MYO9A: variants seen among roughly 807,000 people sequenced by gnomAD.
MYO9A encodes the protein myosin IXA, also known as unconventional myosin-IXa.
Under a neutral mutation model 293.3 loss-of-function variants are expected in MYO9A, and 103 were observed. The ratio of observed to expected loss-of-function variants is 0.35; its 90% CI spans 0.30 to 0.41. The LOEUF (loss-of-function observed/expected upper bound fraction) is 0.41, where lower values mean the gene tolerates loss of function less well. Among genes scored for constraint, MYO9A ranks in the 10% least tolerant of loss-of-function variants. The pLI, the probability that MYO9A is intolerant of heterozygous loss-of-function variation, is 1.00. For missense variants in MYO9A, 2,685 were observed against 3,033.0 expected, an observed-to-expected ratio of 0.89 and a Z score of 2.69; for synonymous variants, 1,001 against 1,035.7, an observed-to-expected ratio of 0.97 and a Z score of 0.64.
intron 11 of MYO9A, among the ~76,000 whole-genome samples, chr15:71,981,659 C>G (rs188820034): frequency 2.1e-3 from 317 of 151,824 alleles, no homozygotes; most frequent in African/African-American, 7.4e-3. Context: ...CTCTCTCTCT[C>G]TCTCTCTCTC....
In MYO9A at chr15:71,878,138, G is replaced by C; in HGVS notation, c.5833C>G (p.Leu1945Val). The change falls in exon 31 of 42, where the codon CTG (leucine) becomes GTG (valine). Residue 1945 changes from leucine (L) to valine (V), a missense_variant. Physicochemically the swap from Leu to Val is conservative, Grantham distance 32. Around this residue, in one of 10 missense-constraint regions of MYO9A, gnomAD observed 1,434 missense variants for 1,497.7 expected, o/e 0.96. Coordinates refer to ENST00000356056, the MANE Select transcript of MYO9A (RefSeq NM_006901.4). ...KTMRLEQRDS[L>V]GESPVRVWVN... is the part of the protein sequence containing the mutation. ...CAAACTCTCACTGGAGATTCACCCAGTGAATCACGCTGCTCAAGCCTCATC... is the reference window on the plus strand; with the variant it reads ...CAAACTCTCACTGGAGATTCACCCACTGAATCACGCTGCTCAAGCCTCATC... 1 of 1,613,156 alleles carries C rather than the reference G, an allele frequency of 6.2e-7. No homozygotes were observed. The highest frequency in any genetic ancestry group is 1.1e-5 in the South Asian group (1 of 90,918).
chr15:71,922,803 T>C (rs1180743139), intron 18 of MYO9A, among the ~76,000 whole-genome samples: 2 of 152,224 alleles, frequency 1.3e-5, no homozygotes, highest in Admixed American at 6.5e-5. Flanking sequence ...CACTAAATAA[T>C]TGATAATTAC....
At chr15:71,845,568 C>CTAA (rs1030369146) in intron 39 of MYO9A, among the ~76,000 whole-genome samples, 4 of 152,184 alleles carry the variant, frequency 2.6e-5, no homozygotes, top group African/African-American at 9.7e-5. Flanking sequence ...GACATCTGTA[C>CTAA]TAATTACATA....
At chr15:71,916,693 A>C (rs1166896567) in intron 18 of MYO9A, among the ~76,000 whole-genome samples, 2 of 152,194 alleles carry the variant, frequency 1.3e-5, no homozygotes, top group Admixed American at 6.5e-5. Context: ...AGAAAAGTAC[A>C]CTTCACAAAC....
At chr15:72,081,428 A>C (rs373904504) in intron 1 of MYO9A, among the ~76,000 whole-genome samples, 1 of 152,024 alleles carries the variant, frequency 6.6e-6, no homozygotes, top group East Asian at 1.9e-4. Flanking sequence ...TGTAAATTTA[A>C]ATTCTTTATA....
chr15:71,931,292 G>C (rs1037963230), intron 18 of MYO9A, among the ~76,000 whole-genome samples: 1 of 152,216 alleles, frequency 6.6e-6, no homozygotes, highest in African/African-American at 2.4e-5. Flanking sequence ...AGGTCTAGCA[G>C]TGCTGAATTC....
At chr15:72,070,406 T>C (rs1464982496) in intron 1 of MYO9A, among the ~76,000 whole-genome samples, 3 of 151,460 alleles carry the variant, frequency 2.0e-5, no homozygotes, top group African/African-American at 7.3e-5. Flanking sequence ...TGAGCAGAGA[T>C]TGTGCCACTG....
chr15:72,044,305 C>T (rs2078316180), intron 2 of MYO9A, among the ~76,000 whole-genome samples: 1 of 151,912 alleles, frequency 6.6e-6, no homozygotes, highest in South Asian at 2.1e-4. Flanking sequence ...ACTCAGGAGG[C>T]CGAGGCAGGA....
intron 8 of MYO9A, among the ~76,000 whole-genome samples, chr15:72,000,445 T>G (rs2076831011): frequency 6.6e-6 from 1 of 152,218 alleles, no homozygotes. Flanking sequence ...TGACACTTCC[T>G]TTGTTCTCAC....
chr15:71,922,485 A>G (rs1005563799), intron 18 of MYO9A, among the ~76,000 whole-genome samples: 2 of 152,210 alleles, frequency 1.3e-5, no homozygotes, highest in Admixed American at 1.3e-4. Context: ...TTACTTGTAC[A>G]GCAACTTTGA....
chr15:71,910,388 AAT>A (rs1363373630), intron 19 of MYO9A, among the ~76,000 whole-genome samples: 1 of 151,930 alleles, frequency 6.6e-6, no homozygotes, highest in Non-Finnish European at 1.5e-5. Flanking sequence ...TGTTGCATAC[AAT>A]TATATTTTGT....
At position 72,118,054 on chromosome 15, in the gene MYO9A, C is replaced by A. The variant is rs2081069390; in HGVS notation, c.-446G>T. On this transcript the variant is annotated 5_prime_UTR_variant, in exon 1 of 42. Coordinates refer to ENST00000356056, the MANE Select transcript of MYO9A (RefSeq NM_006901.4). ...TCTCAACAGACACAGCCAACCGCCGCCGCGTCCCTTATCCGCTTCGGTCGC... is the reference window on the plus strand; with the variant it reads ...TCTCAACAGACACAGCCAACCGCCGACGCGTCCCTTATCCGCTTCGGTCGC... 1 of 396,136 alleles carries A rather than the reference C, an allele frequency of 2.5e-6. No individual in the cohort carries two copies. The highest frequency in any genetic ancestry group is 4.5e-6 in the Non-Finnish European group (1 of 224,482). 24.5% of individuals were successfully genotyped at this position (396,136 alleles called of 1,614,324 possible).
At chr15:71,910,244 C>CAT (rs2057808439) in intron 19 of MYO9A, among the ~76,000 whole-genome samples, 1 of 148,120 alleles carries the variant, frequency 6.8e-6, no homozygotes, top group East Asian at 2.0e-4. Flanking sequence ...GCTCACTGTA[C>CAT]ATAAGCTATG....
rs576092816 is a variant in MYO9A at position 72,066,351 on chromosome 15, T to A, written c.-71-19717A>T. On this transcript the variant is annotated intron_variant, in intron 1 of 41. Transcript: ENST00000356056. ...AACTACAATAATTAGCCGGGCGTGG[T>A]GGTGCGTGCCTCTAGTCTCAGCTAC... Among the ~76,000 whole-genome samples, 3 of 151,980 alleles carry A rather than the reference T, an allele frequency of 2.0e-5. No individual in the cohort carries two copies. The South Asian group carries it at 6.2e-4, about 32-fold the overall frequency.
rs1489986837 is a variant in MYO9A at position 72,117,904 on chromosome 15, C to G, written c.-296G>C. 2.5e-6 allele frequency: 1 copy of G among 398,570 alleles called. No homozygotes were observed. The highest frequency in any genetic ancestry group is 2.1e-5 in the African/African-American group (1 of 48,718). 24.7% of individuals were successfully genotyped at this position (398,570 alleles called of 1,614,324 possible). ...TCCGCCCGGCCTGAGCAGGCACATC[C>G]CCCGCCGCACCCCGCCCAGAGAGCA... On this transcript the variant is annotated 5_prime_UTR_variant, in exon 1 of 42. Coordinates refer to ENST00000356056, the MANE Select transcript of MYO9A (RefSeq NM_006901.4).
rs2054313689 is a variant in MYO9A at position 71,822,470 on chromosome 15, T to G, written c.*4110A>C. 1 of 152,182 alleles carries G rather than the reference T, an allele frequency of 6.6e-6. No individual in the cohort carries two copies. The highest frequency in any genetic ancestry group is 1.5e-5 in the Non-Finnish European group (1 of 68,034). 9.4% of individuals were successfully genotyped at this position (152,182 alleles called of 1,614,324 possible). A position where few individuals can be genotyped will look rare whatever the true frequency, so the allele number is the denominator to read the frequency against. ...AACAAAAAGGAAATTACAAAGTGCC[T>G]ATTGATTGCATCCGGAATGTAATCA... On this transcript the variant is annotated 3_prime_UTR_variant, in exon 42 of 42. Transcript: ENST00000356056.
At position 71,898,034 on chromosome 15, in the gene MYO9A, A is replaced by G; in HGVS notation, c.4469T>C (p.Leu1490Ser). 6.2e-7 allele frequency: 1 copy of G among 1,614,112 alleles called. No homozygotes were observed. The highest frequency in any genetic ancestry group is 8.5e-7 in the Non-Finnish European group (1 of 1,180,028). Residue 1490 changes from leucine to serine, a missense_variant, in exon 25 of 42, where the codon TTA becomes TCA. Coordinates refer to ENST00000356056, the MANE Select transcript of MYO9A (RefSeq NM_006901.4). ...TTCCTTCTCAGTGTTTAGCTTTTCT[A>G]ACTTCTTAAGCACAGGATTAGAAGA... Reference protein sequence around the residue: ...TESSNPVLKKLEKLNTEKEER... With the variant: ...TESSNPVLKKSEKLNTEKEER...
intron 9 of MYO9A, among the ~76,000 whole-genome samples, chr15:71,994,971 A>C (rs1025639656): frequency 1.3e-5 from 2 of 152,142 alleles, no homozygotes; most frequent in African/African-American, 4.8e-5. Flanking sequence ...ACCTCAGGTG[A>C]TTCACCCGTC....
chr15:72,064,616 T>A (rs1309217856), intron 1 of MYO9A, among the ~76,000 whole-genome samples: 1 of 152,236 alleles, frequency 6.6e-6, no homozygotes, highest in East Asian at 1.9e-4. Context: ...ATTTATGATC[T>A]GTGCATTTTA....
Sources: allele counts gnomAD v4.1 joint callset (sites outside exome capture counted in the v4.1 genomes callset), GRCh38; gene constraint gnomAD v4.1.1; regional missense constraint gnomAD v4.1.1; transcripts MANE v1.5; gene names NCBI Gene and HGNC (gene_info 2026-07-23, HGNC 2026-07-21).